Variants in CCDC178 observed in about 807,000 individuals in gnomAD.
CCDC178 encodes coiled-coil domain containing 178.
In CCDC178, 126 loss-of-function variants were observed where a neutral mutation model predicts 117.4. The observed-to-expected ratio is 1.07, with a 90% CI of 0.93 to 1.24. CCDC178 has a LOEUF of 1.24. Among genes scored for constraint, CCDC178 ranks in the 50% most tolerant of loss-of-function variants. CCDC178 has a pLI of 0.00. For synonymous variants in CCDC178, 283 were observed against 313.4 expected, an observed-to-expected ratio of 0.90 and a Z score of 1.02; for missense variants, 1,030 against 986.9, an observed-to-expected ratio of 1.04 and a Z score of -0.59.
chr18:33,044,418 C>T (rs567602562), intron 21 of CCDC178, among the ~76,000 whole-genome samples: 63 of 151,880 alleles, frequency 4.1e-4, no homozygotes, highest in Middle Eastern at 3.4e-3. Flanking sequence ...ATCCTAAAAA[C>T]GCTCAATCTC....
intron 10 of CCDC178, among the ~76,000 whole-genome samples, chr18:33,328,550 T>G (rs1406870463): frequency 1.3e-5 from 2 of 152,306 alleles, no homozygotes; most frequent in African/African-American, 4.8e-5. Context: ...CAGCATCATT[T>G]GTTGAAGAGG....
chr18:33,206,210 C>T lies in CCDC178; in HGVS notation c.2238+5686G>A, dbSNP rs184075254. Among the ~76,000 whole-genome samples the T allele has an allele frequency of 6.6e-5, 10 of 151,716 alleles. No individual in the cohort carries two copies. In the East Asian group the frequency reaches 1.2e-3, roughly 18 times the overall value. The stretch of plus-strand genomic sequence containing the variant: ...AATGTGCAACTAAAAACATTAAATG[C>T]GATCACTATATATTTAAATTGCCTA... On this transcript the variant is annotated intron_variant, in intron 20 of 22. Transcript: ENST00000383096.
At chr18:32,943,178 A>G (rs1250282430) in intron 22 of CCDC178, among the ~76,000 whole-genome samples, 2 of 152,204 alleles carry the variant, frequency 1.3e-5, no homozygotes, top group African/African-American at 4.8e-5. Context: ...CTTTGACAAC[A>G]TGCCAAATGA....
chr18:33,194,711 T>A (rs1296917573), intron 20 of CCDC178, among the ~76,000 whole-genome samples: 1 of 152,128 alleles, frequency 6.6e-6, no homozygotes, highest in East Asian at 1.9e-4. Context: ...GATGATGATC[T>A]TCTTGACTCA....
intron 20 of CCDC178, among the ~76,000 whole-genome samples, chr18:33,165,393 G>A (rs1178840489): frequency 6.6e-6 from 1 of 152,080 alleles, no homozygotes; most frequent in African/African-American, 2.4e-5. Flanking sequence ...GTAATCTAGA[G>A]ATTATTTAAG....
intron 20 of CCDC178, among the ~76,000 whole-genome samples, chr18:33,137,560 C>T (rs1309637015): frequency 6.6e-6 from 1 of 152,136 alleles, no homozygotes; most frequent in African/African-American, 2.4e-5. Flanking sequence ...ATCTAAGTAA[C>T]TTTGTTTTAT....
chr18:33,337,589 G>T (rs2062758079), intron 9 of CCDC178, among the ~76,000 whole-genome samples: 2 of 151,976 alleles, frequency 1.3e-5, no homozygotes, highest in African/African-American at 2.4e-5. Context: ...ACAGAATAGA[G>T]AACCCAGAAA....
At chr18:33,328,616 C>T (rs748914503) in intron 10 of CCDC178, among the ~76,000 whole-genome samples, 3 of 152,024 alleles carry the variant, frequency 2.0e-5, no homozygotes, top group Non-Finnish European at 2.9e-5. Flanking sequence ...ATCAATTAGC[C>T]GTAGATGTAT....
chr18:33,367,234 G>C (rs1320031441), intron 6 of CCDC178, among the ~76,000 whole-genome samples: 3 of 152,044 alleles, frequency 2.0e-5, no homozygotes, highest in Admixed American at 2.0e-4. Flanking sequence ...TCACTTTCTT[G>C]TGGGATCTAA....
At chr18:33,011,962 T>C (rs559543110) in intron 21 of CCDC178, among the ~76,000 whole-genome samples, 6 of 152,134 alleles carry the variant, frequency 3.9e-5, no homozygotes, top group Non-Finnish European at 7.4e-5. Flanking sequence ...AACAAGCTTA[T>C]TTCCCACTGG....
chr18:33,284,619 A>G (rs1237990525), intron 12 of CCDC178, among the ~76,000 whole-genome samples: 1 of 152,196 alleles, frequency 6.6e-6, no homozygotes, highest in African/African-American at 2.4e-5. Context: ...TCGCTTGAGT[A>G]TATTCTAAAC....
chr18:33,109,794 G>A (rs1311571230), intron 20 of CCDC178, among the ~76,000 whole-genome samples: 2 of 151,246 alleles, frequency 1.3e-5, no homozygotes, highest in Admixed American at 1.3e-4. Flanking sequence ...CTTTTTATGT[G>A]GCAACAGTTC....
chr18:33,046,211 C>A (rs1435124826), intron 21 of CCDC178, among the ~76,000 whole-genome samples: 10 of 152,090 alleles, frequency 6.6e-5, no homozygotes, highest in Non-Finnish European at 1.5e-4. Context: ...GAATGAGTGA[C>A]CTGTTTTTAT....
chr18:33,217,307 C>T (rs560888901), intron 18 of CCDC178, among the ~76,000 whole-genome samples: 8 of 152,074 alleles, frequency 5.3e-5, no homozygotes, highest in African/African-American at 1.9e-4. Flanking sequence ...TAAATTTCTT[C>T]TATGATCATT....
At chr18:33,280,718 G>A (rs550133485) in intron 12 of CCDC178, among the ~76,000 whole-genome samples, 2 of 152,214 alleles carry the variant, frequency 1.3e-5, no homozygotes, top group African/African-American at 4.8e-5. Flanking sequence ...GTCCAACAAT[G>A]ATAGACTGGA....
intron 20 of CCDC178, among the ~76,000 whole-genome samples, chr18:33,142,616 G>A (rs1008413499): frequency 2.0e-5 from 3 of 152,026 alleles, no homozygotes; most frequent in African/African-American, 7.3e-5. Context: ...GATTTATTAG[G>A]AAATAATTTG....
chr18:33,006,535 T>C (rs2055753513), intron 21 of CCDC178, among the ~76,000 whole-genome samples: 2 of 152,082 alleles, frequency 1.3e-5, no homozygotes. Flanking sequence ...TCTCAATAAA[T>C]ACTCCTTGTA....
Position 33,333,257 on chromosome 18 carries a change from T to C in CCDC178, c.796A>G (p.Met266Val), listed in dbSNP as rs754357432. The change falls in exon 10 of 23, where the codon ATG (methionine) becomes GTG (valine). Residue 266 changes from methionine to valine, a missense_variant. Met to Val is a conservative substitution (Grantham distance 21). Coordinates refer to ENST00000383096, the MANE Select transcript of CCDC178 (RefSeq NM_001105528.4). The part of the protein sequence containing the change: ...NAKIQADIDY[M>V]NEHGPLLDSK... ...TCCAGTAGAGGGCCATGTTCATTCATGTAGTCTATGTCTGCTTGAATCTTT... is the reference window on the plus strand; with the variant it reads ...TCCAGTAGAGGGCCATGTTCATTCACGTAGTCTATGTCTGCTTGAATCTTT... The C allele has an allele frequency of 3.1e-6, 5 of 1,612,472 alleles. No individual in the cohort carries two copies. The African/African-American group carries it at 4.0e-5, about 13-fold the overall frequency.
intron 21 of CCDC178, among the ~76,000 whole-genome samples, chr18:33,051,897 C>T (rs1484429386): frequency 2.0e-5 from 3 of 152,108 alleles, no homozygotes; most frequent in African/African-American, 7.2e-5. Flanking sequence ...GGTTTTTTAG[C>T]AATTTGGTTG....
Sources: gnomAD v4.1 joint callset for allele counts (sites outside exome capture counted in the v4.1 genomes callset) on GRCh38, gnomAD v4.1.1 for gene constraint, MANE v1.5 for transcripts, NCBI Gene and HGNC (gene_info 2026-07-23, HGNC 2026-07-21) for gene names.